Variants in PDE3A observed in about 807,000 individuals in gnomAD.
PDE3A encodes cGMP-inhibited 3',5'-cyclic phosphodiesterase 3A.
A neutral mutation model predicts 98.3 loss-of-function variants in PDE3A; 43 were observed. The observed-to-expected ratio is 0.44, with a 90% CI of 0.34 to 0.56. The LOEUF is 0.56. PDE3A is among the 20% of genes least tolerant of loss of function. The pLI, the probability that PDE3A is intolerant of heterozygous loss-of-function variation, is 0.01. For missense variants in PDE3A, 1,427 were observed against 1,440.7 expected (o/e 0.99, Z 0.15); for synonymous variants, 663 against 567.9 (o/e 1.17, Z -2.38).
intron 1 of PDE3A, among the ~76,000 whole-genome samples, chr12:20,511,668 C>G (rs572326856): frequency 6.6e-6 from 1 of 152,136 alleles, no homozygotes; most frequent in East Asian, 1.9e-4. Flanking sequence ...TGGATATTGT[C>G]CTCCTTAAGG....
intron 2 of PDE3A, among the ~76,000 whole-genome samples, chr12:20,559,966 G>C (rs1942472965): frequency 6.6e-6 from 1 of 152,150 alleles, no homozygotes; most frequent in African/African-American, 2.4e-5. Flanking sequence ...GGATAATCTG[G>C]AGAATGCTAT....
At chr12:20,371,313 C>G in intron 1 of PDE3A, 1 of 981,258 alleles carries the variant, frequency 1.0e-6, no homozygotes, top group Non-Finnish European at 1.2e-6. Flanking sequence ...CTAGTTGAAG[C>G]AGATTTGTTC....
chr12:20,576,784 C>T (rs1430603945), intron 2 of PDE3A, among the ~76,000 whole-genome samples: 1 of 152,096 alleles, frequency 6.6e-6, no homozygotes, highest in East Asian at 1.9e-4. Flanking sequence ...TTTATCTTCC[C>T]TTAGCCATGT....
At chr12:20,672,410 A>G (rs1214362363) in intron 15 of PDE3A, among the ~76,000 whole-genome samples, 6 of 77,166 alleles carry the variant, frequency 7.8e-5, no homozygotes, top group Non-Finnish European at 8.1e-5. Flanking sequence ...AGCCAAAAGA[A>G]CAAAGGCTGG....
intron 1 of PDE3A, among the ~76,000 whole-genome samples, chr12:20,487,389 C>A (rs999519869): frequency 6.8e-6 from 1 of 148,112 alleles, no homozygotes; most frequent in East Asian, 2.1e-4. Context: ...TAAGGCTGGA[C>A]ACGGTGGCTC....
rs540897206 is a variant in PDE3A, at chr12:20,568,452, A to G, written c.1011+11742A>G. On this transcript the variant is annotated intron_variant, in intron 2 of 15. Coordinates refer to ENST00000359062, the MANE Select transcript of PDE3A (RefSeq NM_000921.5). ...CATTTTATGCACTGGTGGTTGTGGA[A>G]CTTTTAATCAGTGGATACAGCATTG... is the stretch of plus-strand genomic sequence containing the variant. Among the ~76,000 whole-genome samples the G allele has an allele frequency of 4.6e-5, 7 of 152,102 alleles. No individual in the cohort carries two copies. The East Asian group carries it at 1.2e-3, about 25-fold the overall frequency.
chr12:20,564,053 C>T (rs1942596272), intron 2 of PDE3A, among the ~76,000 whole-genome samples: 1 of 152,018 alleles, frequency 6.6e-6, no homozygotes, highest in Non-Finnish European at 1.5e-5. Flanking sequence ...TGACAATGTC[C>T]ACAGCACACA....
intron 1 of PDE3A, among the ~76,000 whole-genome samples, chr12:20,459,060 G>A (rs1257888695): frequency 6.6e-5 from 10 of 152,096 alleles, no homozygotes; most frequent in Non-Finnish European, 1.2e-4. Flanking sequence ...CTTATCAGAT[G>A]GAGAAATTAT....
chr12:20,649,778 T>C (rs1395385844), intron 13 of PDE3A, among the ~76,000 whole-genome samples: 1 of 151,986 alleles, frequency 6.6e-6, no homozygotes, highest in Non-Finnish European at 1.5e-5. Context: ...ATACAAAAAT[T>C]GGCCAGGTGT....
chr12:20,495,437 T>C (rs183184675), intron 1 of PDE3A, among the ~76,000 whole-genome samples: 31 of 152,352 alleles, frequency 2.0e-4, no homozygotes, highest in African/African-American at 7.2e-4. Flanking sequence ...AAGTAGTTAA[T>C]GTTTTATGTG....
intron 1 of PDE3A, among the ~76,000 whole-genome samples, chr12:20,413,370 A>G (rs964087725): frequency 1.3e-5 from 2 of 152,110 alleles, no homozygotes; most frequent in East Asian, 3.9e-4. Flanking sequence ...TTGCTTTAGG[A>G]TTTTAGCAGC....
intron 15 of PDE3A, among the ~76,000 whole-genome samples, chr12:20,679,540 A>G (rs1027450832): frequency 1.2e-4 from 18 of 152,252 alleles, no homozygotes; most frequent in Middle Eastern, 3.4e-3. Context: ...GAGCCACTGC[A>G]CCCAGCCTGA....
At chr12:20,402,769 C>T (rs1483677471) in intron 1 of PDE3A, among the ~76,000 whole-genome samples, 1 of 151,834 alleles carries the variant, frequency 6.6e-6, no homozygotes, top group Non-Finnish European at 1.5e-5. Context: ...TTTCTAATGC[C>T]TGGCTGAAAA....
chr12:20,607,782 G>T (rs1042923250), intron 2 of PDE3A, among the ~76,000 whole-genome samples: 1 of 151,850 alleles, frequency 6.6e-6, no homozygotes, highest in Non-Finnish European at 1.5e-5. Flanking sequence ...CTGCGATTTT[G>T]TGCTTAGTGT....
At chr12:20,469,713 A>G (rs1029756073) in intron 1 of PDE3A, among the ~76,000 whole-genome samples, 2 of 152,244 alleles carry the variant, frequency 1.3e-5, no homozygotes, top group Non-Finnish European at 2.9e-5. Flanking sequence ...CTAGAGTAAC[A>G]TAATAAATTT....
chr12:20,383,148 A>T (rs1266646090), intron 1 of PDE3A, among the ~76,000 whole-genome samples: 1 of 151,896 alleles, frequency 6.6e-6, no homozygotes, highest in Non-Finnish European at 1.5e-5. Flanking sequence ...CTTCGTAAAA[A>T]TGATGCTTTT....
At position 20,371,253 on chromosome 12, in the gene PDE3A, A is replaced by G. The variant is rs139698272; in HGVS notation, c.960+1009A>G. 85 of 516,836 alleles carry G rather than the reference A, an allele frequency of 1.6e-4. No homozygotes were observed. In the African/African-American group the frequency reaches 1.7e-3, roughly 10 times the overall value. The allele number at this position is 516,836 out of a possible 1,614,324, so 32.0% of individuals were successfully genotyped here. ...AAAGGGCATAAAGGAACAAATCCCA[A>G]TTTTAAATGCATACGGTGTCTAAAA... is the stretch of plus-strand genomic sequence containing the variant. On this transcript the variant is annotated intron_variant, in intron 1 of 15. Transcript: ENST00000359062.
rs541690210 is a variant in PDE3A, at chr12:20,450,133, C to T, written c.960+79889C>T. ...CTCCTTTCCCAGAATGCATCGCAGC[C>T]CAACATTGCCATTTATTATGCTTTA... On this transcript the variant is annotated intron_variant, in intron 1 of 15. Transcript: ENST00000359062. 11 of 404,362 alleles carry T rather than the reference C, an allele frequency of 2.7e-5. No homozygotes were observed. In the East Asian group the frequency reaches 3.6e-4, roughly 13 times the overall value. 25.0% of individuals were successfully genotyped at this position (404,362 alleles called of 1,614,324 possible). A position where few individuals can be genotyped will look rare whatever the true frequency, so the allele number is the denominator to read the frequency against.
chr12:20,590,737 A>AC (rs1378434722), intron 2 of PDE3A, among the ~76,000 whole-genome samples: 1 of 152,152 alleles, frequency 6.6e-6, no homozygotes, highest in Non-Finnish European at 1.5e-5. Context: ...ATACATTCCC[A>AC]CCCTAGACAG....
Sources: allele counts gnomAD v4.1 joint callset (sites outside exome capture counted in the v4.1 genomes callset), GRCh38; gene constraint gnomAD v4.1.1; transcripts MANE v1.5; gene names NCBI Gene and HGNC (gene_info 2026-07-23, HGNC 2026-07-21).